The following HTR6 variants were observed in gnomAD, a reference collection of about 807,000 sequenced individuals.
HTR6 encodes the protein 5-hydroxytryptamine receptor 6, also known as 5-hydroxytryptamine (serotonin) receptor 6, G protein-coupled.
In HTR6, 15 loss-of-function variants were observed where a neutral mutation model predicts 17.4. The ratio of observed to expected loss-of-function variants is 0.86; its 90% CI spans 0.58 to 1.33. The LOEUF (loss-of-function observed/expected upper bound fraction) is 1.33, where lower values mean the gene tolerates loss of function less well. Among genes scored for constraint, HTR6 ranks in the 40% most tolerant of loss-of-function variants. HTR6 has a pLI of 0.00. For synonymous variants in HTR6, 326 were observed against 295.5 expected (o/e 1.10, Z -1.06); for missense variants, 578 against 616.0 (o/e 0.94, Z 0.65).
rs199565627 is a variant in HTR6, at chr1:19,679,497, G to A, written c.*129G>A. ...GAAGCCCTCTGAGCTCCAGAGGGGT[G>A]CGCAGAGCTGACCCCCTGCTGCCAT... On this transcript the variant is annotated 3_prime_UTR_variant, in exon 3 of 3. Transcript: ENST00000289753. The surrounding 1 kb of genome is among the most constrained non-coding windows in gnomAD (Gnocchi z 4.9). 8.3e-6 allele frequency: 11 copies of A among 1,328,214 alleles called. No individual in the cohort carries two copies. The highest frequency in any genetic ancestry group is 1.0e-5 in the Non-Finnish European group (10 of 1,003,578). 82.3% of individuals were successfully genotyped at this position (1,328,214 alleles called of 1,614,324 possible).
chr1:19,670,590 G>A (rs1270065173), intron 1 of HTR6, among the ~76,000 whole-genome samples: 2 of 151,756 alleles, frequency 1.3e-5, no homozygotes, highest in African/African-American at 4.8e-5. Flanking sequence ...TCAGCCTCCG[G>A]AGTAGCTGGG....
chr1:19,673,860 C>CTTTT (rs549470101), intron 1 of HTR6, among the ~76,000 whole-genome samples: 3 of 128,354 alleles, frequency 2.3e-5, no homozygotes, highest in Non-Finnish European at 3.3e-5. Context: ...CCTTCTAGGT[C>CTTTT]TTTTTTTTTT....
rs201218739 is a variant in HTR6 at position 19,679,320 on chromosome 1, C to T, written c.1275C>T (p.Pro425=). Residue 425 remains proline (P), a synonymous_variant, in exon 3 of 3, where the codon CCC becomes CCT. Coordinates refer to ENST00000289753, the MANE Select transcript of HTR6 (RefSeq NM_000871.3). The surrounding 1 kb of genome is among the most constrained non-coding windows in gnomAD (Gnocchi z 4.9). ...CCGTCAATTTCTTCAACATCGACCCCGCGGAGCCCGAGCTGCGGCCGCATC... is the reference window on the plus strand; with the variant it reads ...CCGTCAATTTCTTCAACATCGACCCTGCGGAGCCCGAGCTGCGGCCGCATC... ...AAAVNFFNID[P]AEPELRPHPL... 183 of 1,604,840 alleles carry T rather than the reference C, an allele frequency of 1.1e-4. No homozygotes were observed. Among genetic ancestry groups the T allele is most frequent in the Non-Finnish European group, 1.4e-4 (164 of 1,175,632 alleles).
rs201748931 is a variant in HTR6, at chr1:19,679,214, C to T, written c.1169C>T (p.Ser390Leu). Residue 390 changes from serine to leucine, a missense_variant, in exon 3 of 3, where the codon TCG (serine) becomes TTG (leucine). By Grantham distance (145) the Ser-to-Leu change is moderately radical. Coordinates refer to ENST00000289753, the MANE Select transcript of HTR6 (RefSeq NM_000871.3). The surrounding 1 kb of genome is among the most constrained non-coding windows in gnomAD (Gnocchi z 4.9). ...SDSDAGSGGS[S>L]GLRLTAQLLL... ...TCAGACGCAGGCTCAGGCGGCTCCT[C>T]GGGCCTGCGGCTCACGGCCCAGCTG... is the stretch of plus-strand genomic sequence containing the variant. 60 of 1,567,354 alleles carry T rather than the reference C, an allele frequency of 3.8e-5. No individual in the cohort carries two copies. The highest frequency in any genetic ancestry group is 5.1e-5 in the Non-Finnish European group (59 of 1,159,178).
chr1:19,675,422 A>C (rs1313408120), intron 1 of HTR6, among the ~76,000 whole-genome samples: 1 of 152,112 alleles, frequency 6.6e-6, no homozygotes, highest in African/African-American at 2.4e-5. Context: ...TGGGAAGGGT[A>C]GAGTGTCCTC....
At chr1:19,676,298 C>T (rs924426890) in intron 1 of HTR6, among the ~76,000 whole-genome samples, 1 of 152,188 alleles carries the variant, frequency 6.6e-6, no homozygotes, top group African/African-American at 2.4e-5. Context: ...CTCAAGATCA[C>T]AGAGCGAGTA....
rs527355439 is a variant in HTR6 at position 19,666,576 on chromosome 1, G to A, written c.714+109G>A. On this transcript the variant is annotated intron_variant, in intron 1 of 2. Coordinates refer to ENST00000289753, the MANE Select transcript of HTR6 (RefSeq NM_000871.3). This position sits in a 1 kb window ranked among gnomAD's most constrained non-coding sequence, Gnocchi z 4.5. ...AGCACACATTTGCTCATGGCCCTGC[G>A]TGGCTGTTGTGAGCGCCCACCTTTC... 366 of 800,472 alleles carry A rather than the reference G, an allele frequency of 4.6e-4. 4 individuals carry two copies. In the South Asian group the frequency reaches 6.3e-3, roughly 14 times the overall value. 49.6% of individuals were successfully genotyped at this position (800,472 alleles called of 1,614,324 possible).
intron 1 of HTR6, among the ~76,000 whole-genome samples, chr1:19,667,604 T>C (rs6671732): frequency 0.76 from 116,244 of 152,002 alleles, 44,798 homozygotes; most frequent in Non-Finnish European, 0.8. Flanking sequence ...TTGGTAGAGA[T>C]GGGGTTTCAC....
At chr1:19,678,525 G>A in intron 1 of HTR6, 42 bp from the exon 2 acceptor site, 2 of 1,610,572 alleles carry the variant, frequency 1.2e-6, no homozygotes, top group East Asian at 4.5e-5. Context: ...GGTCAGACGG[G>A]GGCCCTTTCT....
chr1:19,674,191 T>C (rs1279605035), intron 1 of HTR6, among the ~76,000 whole-genome samples: 1 of 152,086 alleles, frequency 6.6e-6, no homozygotes, highest in Admixed American at 6.6e-5. Flanking sequence ...TTCTATGTGC[T>C]TATGTATTTA....
At chr1:19,673,104 C>A (rs2095090152) in intron 1 of HTR6, among the ~76,000 whole-genome samples, 1 of 152,230 alleles carries the variant, frequency 6.6e-6, no homozygotes, top group African/African-American at 2.4e-5. Flanking sequence ...CCAGCACCAT[C>A]ACCATCATTA....
In HTR6 at chr1:19,678,463, C is replaced by T. The variant is rs369367126; in HGVS notation, c.715-104C>T. The T allele has an allele frequency of 7.3e-5, 103 of 1,404,202 alleles. No individual in the cohort carries two copies. In the African/African-American group the frequency reaches 1.3e-3, roughly 18 times the overall value. 87.0% of individuals were successfully genotyped at this position (1,404,202 alleles called of 1,614,324 possible). ...AACAGGGCCCAGTTTAATCCTGGCA[C>T]TAGGGCTCAGTCTAGAATTAGGATT... is the stretch of plus-strand genomic sequence containing the variant. On this transcript the variant is annotated intron_variant, in intron 1 of 2. Transcript: ENST00000289753.
rs1476844009 is a variant in HTR6, at chr1:19,678,903, C to T, written c.874-16C>T. The T allele has an allele frequency of 6.3e-7, 1 of 1,578,748 alleles. No individual in the cohort carries two copies. Among genetic ancestry groups the T allele is most frequent in the Admixed American group, 1.7e-5 (1 of 58,360 alleles). On this transcript the variant is annotated splice_polypyrimidine_tract_variant and intron_variant, in intron 2 of 2. Coordinates refer to ENST00000289753, the MANE Select transcript of HTR6 (RefSeq NM_000871.3). The stretch of plus-strand genomic sequence containing the variant: ...CCCTGCCCTGGGACCAGGCATGATG[C>T]ATCCCCTCCCCCCAGGCCGTGTGCG...
Position 19,666,495 on chromosome 1 carries a change from G to C in HTR6, c.714+28G>C, listed in dbSNP as rs958964017. 2 of 1,540,920 alleles carry C rather than the reference G, an allele frequency of 1.3e-6. No homozygotes were observed. The highest frequency in any genetic ancestry group is 1.8e-6 in the Non-Finnish European group (2 of 1,136,338). ...ACCTGGGGTGCGCAGGGAGACCCGG[G>C]CTGTGGGATAGAGAGGAATGAGCAG... On this transcript the variant is annotated intron_variant, in intron 1 of 2. Transcript: ENST00000289753. The surrounding 1 kb of genome is among the most constrained non-coding windows in gnomAD (Gnocchi z 4.5).
intron 1 of HTR6, among the ~76,000 whole-genome samples, chr1:19,671,628 C>T (rs2095087996): frequency 6.6e-6 from 1 of 152,106 alleles, no homozygotes; most frequent in African/African-American, 2.4e-5. Context: ...TGTCTTGGAC[C>T]CCTTCCCTTT....
At position 19,665,640 on chromosome 1, in the gene HTR6, T is replaced by G; in HGVS notation, c.-114T>G. 1 of 674,458 alleles carries G rather than the reference T, an allele frequency of 1.5e-6. No homozygotes were observed. Among genetic ancestry groups the G allele is most frequent in the Non-Finnish European group, 2.4e-6 (1 of 411,986 alleles). The allele number at this position is 674,458 out of a possible 1,614,324, so 41.8% of individuals were successfully genotyped here. A position where few individuals can be genotyped will look rare whatever the true frequency, so the allele number is the denominator to read the frequency against. On this transcript the variant is annotated 5_prime_UTR_variant, in exon 1 of 3. Transcript: ENST00000289753. The surrounding 1 kb of genome is among the most constrained non-coding windows in gnomAD (Gnocchi z 4.2). ...CCCCACTCACCTCCCCCGGGGGGCG[T>G]GGTGAGTCGCGGTCTGTTCTCACGG...
chr1:19,675,966 G>A (rs910400337), intron 1 of HTR6, among the ~76,000 whole-genome samples: 6 of 152,134 alleles, frequency 3.9e-5, no homozygotes, highest in African/African-American at 1.2e-4. Flanking sequence ...GAGCAGACTC[G>A]TGTATGATGG....
Position 19,679,126 on chromosome 1 carries a change from C to T in HTR6, c.1081C>T (p.Arg361Trp), listed in dbSNP as rs201375470. 1,105 of 1,611,438 alleles carry T rather than the reference C, an allele frequency of 6.9e-4. 2 individuals are homozygous for T. The highest frequency in any genetic ancestry group is 7.7e-4 in the Non-Finnish European group (903 of 1,179,190). Residue 361 changes from arginine (R) to tryptophan (W), a missense_variant, in exon 3 of 3, where the codon CGG becomes TGG. Physicochemically the swap from Arg to Trp is moderately radical, Grantham distance 101 (BLOSUM62 -3). Coordinates refer to ENST00000289753, the MANE Select transcript of HTR6 (RefSeq NM_000871.3). The surrounding 1 kb of genome is among the most constrained non-coding windows in gnomAD (Gnocchi z 4.9). Reference sequence around the variant, plus strand: ...ACTGCGCACCTCTCACAGCGGCCCCCGGCCCGGCCTTAGCCTACAGCAGGT... The same window carrying T: ...ACTGCGCACCTCTCACAGCGGCCCCTGGCCCGGCCTTAGCCTACAGCAGGT... ...PSLRTSHSGPRPGLSLQQVLP... is the reference protein window; with the variant it reads ...PSLRTSHSGPWPGLSLQQVLP...
intron 1 of HTR6, among the ~76,000 whole-genome samples, chr1:19,673,990 C>T (rs2095091347): frequency 6.6e-6 from 1 of 151,906 alleles, no homozygotes; most frequent in Non-Finnish European, 1.5e-5. Flanking sequence ...ACGTCAACCT[C>T]CGGAGTAGCT....
Sources: gnomAD v4.1 joint callset for allele counts (sites outside exome capture counted in the v4.1 genomes callset) on GRCh38, gnomAD v4.1.1 for gene constraint, Gnocchi (gnomAD v3.1) non-coding constraint, MANE v1.5 for transcripts, NCBI Gene and HGNC (gene_info 2026-07-23, HGNC 2026-07-21) for gene names.